The following ARMH4 variants were observed in gnomAD, a reference collection of about 807,000 sequenced individuals.
The protein encoded by ARMH4 is armadillo-like helical domain-containing protein 4.
Under a neutral mutation model 61.9 loss-of-function variants are expected in ARMH4, and 49 were observed. The observed-to-expected ratio is 0.79, with a 90% confidence interval of 0.63 to 1.00. The LOEUF (loss-of-function observed/expected upper bound fraction) is 1.00, where lower values mean the gene tolerates loss of function less well. ARMH4 is among the 50% of genes least tolerant of loss of function. ARMH4 has a pLI of 0.00. For missense variants in ARMH4, 934 were observed against 930.0 expected (o/e 1.00, Z -0.06); for synonymous variants, 368 against 341.5 (o/e 1.08, Z -0.85).
At chr14:58,097,935 T>C (rs536104855) in intron 4 of ARMH4, among the ~76,000 whole-genome samples, 94 of 152,248 alleles carry the variant, frequency 6.2e-4, no homozygotes, top group African/African-American at 2.1e-3. Flanking sequence ...CCCAATTTCA[T>C]TTTGTTTCAC....
intron 5 of ARMH4, 122 bp from the exon 6 acceptor site, chr14:58,012,272 T>C (rs3783689): frequency 1.9e-6 from 1 of 535,048 alleles, no homozygotes; most frequent in Non-Finnish European, 3.2e-6. Context: ...ATTAACAATA[T>C]AACATAATGA....
chr14:58,089,313 G>A (rs1394635532), intron 5 of ARMH4, among the ~76,000 whole-genome samples: 2 of 152,156 alleles, frequency 1.3e-5, no homozygotes, highest in Admixed American at 6.6e-5. Flanking sequence ...TTTCCTTGCT[G>A]CCACAATCTG....
chr14:58,102,538 G>T (rs1393690121), intron 4 of ARMH4, among the ~76,000 whole-genome samples: 1 of 151,896 alleles, frequency 6.6e-6, no homozygotes, highest in Admixed American at 6.6e-5. Flanking sequence ...GCGGCCGGGC[G>T]CGGTGGCTCA....
chr14:58,131,049 G>C (rs910881), intron 4 of ARMH4, among the ~76,000 whole-genome samples: 7,532 of 152,210 alleles, frequency 0.049, 293 homozygotes, highest in African/African-American at 0.11. Context: ...AACTATAGTT[G>C]AGAACCACAG....
intron 5 of ARMH4, among the ~76,000 whole-genome samples, chr14:58,030,808 T>A (rs546942292): frequency 6.6e-6 from 1 of 152,216 alleles, no homozygotes; most frequent in Non-Finnish European, 1.5e-5. Flanking sequence ...TTTAAGCATA[T>A]GTCAGAATTT....
In ARMH4 at chr14:58,087,875, C is replaced by A. The variant is rs189995519; in HGVS notation, c.2089+8849G>T. On this transcript the variant is annotated intron_variant, in intron 5 of 7. Coordinates refer to ENST00000267485, the MANE Select transcript of ARMH4 (RefSeq NM_001001872.4). ...ATCTAGAACTGTTCATCAGAAGTCTCGTGAACATAAAAATAAAAGAAAAAC... is the reference window on the plus strand; with the variant it reads ...ATCTAGAACTGTTCATCAGAAGTCTAGTGAACATAAAAATAAAAGAAAAAC... 3.1e-3 allele frequency among the ~76,000 whole-genome samples: 468 copies of A among 152,268 alleles called. 1 individual carries two copies. The highest frequency in any genetic ancestry group is 0.01 in the African/African-American group (434 of 41,556).
intron 5 of ARMH4, among the ~76,000 whole-genome samples, chr14:58,028,220 G>A (rs1037428966): frequency 2.0e-5 from 3 of 152,130 alleles, no homozygotes; most frequent in African/African-American, 7.2e-5. Context: ...GTTTCCTTGT[G>A]TGATCTGTAA....
intron 4 of ARMH4, among the ~76,000 whole-genome samples, chr14:58,118,789 G>A (rs1164677908): frequency 2.0e-5 from 3 of 152,090 alleles, no homozygotes; most frequent in Non-Finnish European, 4.4e-5. Flanking sequence ...CCTTAGGTTT[G>A]AGCCAGGTCT....
In ARMH4 at chr14:58,133,201, C is replaced by CAGAAA. The variant is rs1887181351; in HGVS notation, c.1509_1510insTTTCT (p.Val504PhefsTer60). On this transcript the variant is annotated frameshift_variant, in exon 3 of 8. Transcript: ENST00000267485. LOFTEE classifies it high-confidence loss of function. ...TGAGTAACACCAGGAACGTCAGACACAGGAGAGGGGTCCTCCTTTTCTTCC... is the reference window on the plus strand; with the variant it reads ...TGAGTAACACCAGGAACGTCAGACACAGAAAAGGAGAGGGGTCCTCCTTTTCTTCC... 1 of 1,614,142 alleles carries CAGAAA rather than the reference C, an allele frequency of 6.2e-7. No individual in the cohort carries two copies. Among genetic ancestry groups the CAGAAA allele is most frequent in the Non-Finnish European group, 8.5e-7 (1 of 1,180,024 alleles).
chr14:58,071,075 T>A (rs774073522), intron 5 of ARMH4, among the ~76,000 whole-genome samples: 1 of 151,666 alleles, frequency 6.6e-6, no homozygotes, highest in South Asian at 2.1e-4. Context: ...TTTTATAATG[T>A]GAAAAATAAA....
At chr14:58,072,644 C>T (rs912392156) in intron 5 of ARMH4, among the ~76,000 whole-genome samples, 4 of 151,890 alleles carry the variant, frequency 2.6e-5, no homozygotes, top group African/African-American at 9.7e-5. Context: ...ATTGCTTGAA[C>T]CCAGGAGGCG....
chr14:58,074,452 TTC>T (rs1669367516), intron 5 of ARMH4, among the ~76,000 whole-genome samples: 1 of 150,756 alleles, frequency 6.6e-6, no homozygotes, highest in East Asian at 2.0e-4. Context: ...TGCAACACAG[TTC>T]TTTTTTTTTT....
chr14:58,144,337 G>A (rs1370643687), intron 1 of ARMH4, among the ~76,000 whole-genome samples: 3 of 152,122 alleles, frequency 2.0e-5, no homozygotes, highest in East Asian at 1.9e-4. Context: ...GCCAAGGCAG[G>A]AGGATCATCT....
At chr14:58,038,565 A>ATT (rs1355545913) in intron 5 of ARMH4, among the ~76,000 whole-genome samples, 1,836 of 141,268 alleles carry the variant, frequency 0.013, 33 homozygotes, top group East Asian at 0.083. Context: ...AAAAAAATTA[A>ATT]AAAAAAAAAA....
At chr14:58,142,055 T>C (rs1887579822) in intron 1 of ARMH4, among the ~76,000 whole-genome samples, 1 of 152,008 alleles carries the variant, frequency 6.6e-6, no homozygotes, top group Non-Finnish European at 1.5e-5. Flanking sequence ...AATTTAAGGG[T>C]TTCAGTTCTT....
chr14:58,133,388 T>TAAA, intron 2 of ARMH4, 47 bp from the exon 3 acceptor site: 6 of 1,367,442 alleles, frequency 4.4e-6, no homozygotes, highest in Non-Finnish European at 5.9e-6. Context: ...CCCTATTTTT[T>TAAA]TAAAAAAAAA....
chr14:58,006,489 T>C (rs1594683228), intron 6 of ARMH4, among the ~76,000 whole-genome samples: 1 of 152,152 alleles, frequency 6.6e-6, no homozygotes, highest in Non-Finnish European at 1.5e-5. Context: ...CATCAGAGTT[T>C]ATGAAACAGC....
At chr14:58,012,698 A>G (rs976704361) in intron 5 of ARMH4, among the ~76,000 whole-genome samples, 65 of 152,226 alleles carry the variant, frequency 4.3e-4, no homozygotes, top group African/African-American at 1.5e-3. Context: ...AAAGACATAT[A>G]ACTTGTGAAC....
chr14:58,084,417 C>A (rs1450551215), intron 5 of ARMH4, among the ~76,000 whole-genome samples: 1 of 152,142 alleles, frequency 6.6e-6, no homozygotes, highest in Non-Finnish European at 1.5e-5. Flanking sequence ...ACTCAGAAGC[C>A]CAAGGCTCTG....
Sources: gnomAD v4.1 joint callset for allele counts (sites outside exome capture counted in the v4.1 genomes callset) on GRCh38, gnomAD v4.1.1 for gene constraint, MANE v1.5 for transcripts, NCBI Gene and HGNC (gene_info 2026-07-23, HGNC 2026-07-21) for gene names.